The following BRD3OS variants were observed in gnomAD, a reference collection of about 807,000 sequenced individuals.
BRD3OS encodes the protein BRD3 opposite strand, also known as uncharacterized protein BRD3OS.
At position 134,031,455 on chromosome 9, in the gene BRD3OS, G is replaced by T. The variant is rs1843511448; in HGVS notation, c.*4453G>T. 4.9e-6 allele frequency: 1 copy of T among 203,532 alleles called. No individual in the cohort carries two copies. The highest frequency in any genetic ancestry group is 1.0e-5 in the Non-Finnish European group (1 of 99,392). The allele number at this position is 203,532 out of a possible 1,614,324, so 12.6% of individuals were successfully genotyped here. Reference sequence around the variant, plus strand: ...GTCGTGTGTGAATTCCTTAAATTCGGTTTAAATAGTCCATTAAAGATCTGT... The same window carrying T: ...GTCGTGTGTGAATTCCTTAAATTCGTTTTAAATAGTCCATTAAAGATCTGT... On this transcript the variant is annotated 3_prime_UTR_variant, in exon 3 of 3. Coordinates refer to ENST00000603928, the MANE Select transcript of BRD3OS (RefSeq NM_001355256.2).
In BRD3OS at chr9:134,028,349, A is replaced by G. The variant is rs1468048570; in HGVS notation, c.*1347A>G. On this transcript the variant is annotated 3_prime_UTR_variant, in exon 3 of 3. Transcript: ENST00000603928. ...CTGCACCATGCCTCTTGTATCCGCC[A>G]TTTTCTTTCTTGCTCAACTGTACAG... 1 of 152,068 alleles carries G rather than the reference A, an allele frequency of 6.6e-6. No homozygotes were observed. Among genetic ancestry groups the G allele is most frequent in the African/African-American group, 2.4e-5 (1 of 41,394 alleles). 9.4% of individuals were successfully genotyped at this position (152,068 alleles called of 1,614,324 possible).
In BRD3OS at chr9:134,027,192, A is replaced by T. The variant is rs1182659990; in HGVS notation, c.*190A>T. 2.7e-6 allele frequency: 1 copy of T among 371,592 alleles called. No homozygotes were observed. Among genetic ancestry groups the T allele is most frequent in the East Asian group, 3.8e-5 (1 of 26,054 alleles). 23.0% of individuals were successfully genotyped at this position (371,592 alleles called of 1,614,324 possible). Reference sequence around the variant, plus strand: ...AACCCCTCAGCACAGCCGCGGTGTGACTGGTGCACAGGACACTTCCCCTCT... The same window carrying T: ...AACCCCTCAGCACAGCCGCGGTGTGTCTGGTGCACAGGACACTTCCCCTCT... On this transcript the variant is annotated 3_prime_UTR_variant, in exon 3 of 3. Coordinates refer to ENST00000603928, the MANE Select transcript of BRD3OS (RefSeq NM_001355256.2).
Position 134,030,781 on chromosome 9 carries a change from C to A in BRD3OS, c.*3779C>A, listed in dbSNP as rs1843500213. ...GTAAGCAAGATGACACTGCCCAACA[C>A]AAAGAGGGGTCTGGAGTTCAGTTCA... On this transcript the variant is annotated 3_prime_UTR_variant, in exon 3 of 3. Transcript: ENST00000603928. 4.3e-6 allele frequency: 1 copy of A among 232,296 alleles called. No homozygotes were observed. The highest frequency in any genetic ancestry group is 8.5e-6 in the Non-Finnish European group (1 of 117,470). The allele number at this position is 232,296 out of a possible 1,614,324, so 14.4% of individuals were successfully genotyped here.
chr9:134,025,751 G>C (rs749574476), intron 1 of BRD3OS, 94 bp from the exon 2 acceptor site: 2 of 152,296 alleles, frequency 1.3e-5, no homozygotes, highest in Admixed American at 6.5e-5. Flanking sequence ...AGGAGGGGAG[G>C]TCCCTGACGC....
In BRD3OS at chr9:134,029,813, G is replaced by A. The variant is rs1843483836; in HGVS notation, c.*2811G>A. On this transcript the variant is annotated 3_prime_UTR_variant, in exon 3 of 3. Coordinates refer to ENST00000603928, the MANE Select transcript of BRD3OS (RefSeq NM_001355256.2). ...GACTAGAAGAGCACAGAACCTGGCT[G>A]TCTCGAAGAGGGCAGCTTGTTCCAG... The A allele has an allele frequency of 6.6e-6, 1 of 152,290 alleles. No homozygotes were observed. The highest frequency in any genetic ancestry group is 2.1e-4 in the South Asian group (1 of 4,838). The allele number at this position is 152,290 out of a possible 1,614,324, so 9.4% of individuals were successfully genotyped here.
rs968777491 is a variant in BRD3OS at position 134,029,053 on chromosome 9, C to G, written c.*2051C>G. The G allele has an allele frequency of 6.6e-6, 1 of 152,226 alleles. No individual in the cohort carries two copies. The highest frequency in any genetic ancestry group is 2.4e-5 in the African/African-American group (1 of 41,454). 9.4% of individuals were successfully genotyped at this position (152,226 alleles called of 1,614,324 possible). On this transcript the variant is annotated 3_prime_UTR_variant, in exon 3 of 3. Transcript: ENST00000603928. ...AGTGAGCATGGGGCTGGAGGACCTGCCCCGCCGGCTGACACTCCCACAGCA... is the reference window on the plus strand; with the variant it reads ...AGTGAGCATGGGGCTGGAGGACCTGGCCCGCCGGCTGACACTCCCACAGCA...
rs1246254822 is a variant in BRD3OS at position 134,028,404 on chromosome 9, T to C, written c.*1402T>C. 1.3e-5 allele frequency: 2 copies of C among 152,262 alleles called. No individual in the cohort carries two copies. Among genetic ancestry groups the C allele is most frequent in the African/African-American group, 2.4e-5 (1 of 41,460 alleles). 9.4% of individuals were successfully genotyped at this position (152,262 alleles called of 1,614,324 possible). On this transcript the variant is annotated 3_prime_UTR_variant, in exon 3 of 3. Transcript: ENST00000603928. ...GGCATTCACTTAATGCTTTTCTTTTTTTTTAAGAGAGTCTCACTCTGTTGC... is the reference window on the plus strand; with the variant it reads ...GGCATTCACTTAATGCTTTTCTTTTCTTTTAAGAGAGTCTCACTCTGTTGC...
chr9:134,027,752 A>G lies in BRD3OS; in HGVS notation c.*750A>G, dbSNP rs1843448051. On this transcript the variant is annotated 3_prime_UTR_variant, in exon 3 of 3. Coordinates refer to ENST00000603928, the MANE Select transcript of BRD3OS (RefSeq NM_001355256.2). The stretch of plus-strand genomic sequence containing the variant: ...TTACCAAAATGATCATCATCTGTGA[A>G]GCATCATGGTAGCTTCCAAGCATTT... 1 of 152,228 alleles carries G rather than the reference A, an allele frequency of 6.6e-6. No individual in the cohort carries two copies. The highest frequency in any genetic ancestry group is 6.5e-5 in the Admixed American group (1 of 15,280). 9.4% of individuals were successfully genotyped at this position (152,228 alleles called of 1,614,324 possible).
At position 134,030,049 on chromosome 9, in the gene BRD3OS, C is replaced by T. The variant is rs879322383; in HGVS notation, c.*3047C>T. 2 of 152,254 alleles carry T rather than the reference C, an allele frequency of 1.3e-5. No individual in the cohort carries two copies. Among genetic ancestry groups the T allele is most frequent in the African/African-American group, 2.4e-5 (1 of 41,454 alleles). 9.4% of individuals were successfully genotyped at this position (152,254 alleles called of 1,614,324 possible). On this transcript the variant is annotated 3_prime_UTR_variant, in exon 3 of 3. Coordinates refer to ENST00000603928, the MANE Select transcript of BRD3OS (RefSeq NM_001355256.2). ...CTGGCCTCAGGCCATCCTCCTGCCT[C>T]AGCCTCCCAAAGTGCTGTGATCACA...
Position 134,026,567 on chromosome 9 carries a change from C to T in BRD3OS, c.-181C>T. ...TCAGAATGGTGAGGCCGCCTCATTT[C>T]CTCACCACACAACCCTCCTGAGGAC... On this transcript the variant is annotated 5_prime_UTR_variant, in exon 3 of 3. Transcript: ENST00000603928. This position sits in a 1 kb window ranked among gnomAD's most constrained non-coding sequence, Gnocchi z 4.4. The T allele has an allele frequency of 5.2e-6, 2 of 386,366 alleles. No individual in the cohort carries two copies. The highest frequency in any genetic ancestry group is 9.1e-6 in the Non-Finnish European group (2 of 218,822). 23.9% of individuals were successfully genotyped at this position (386,366 alleles called of 1,614,324 possible).
In BRD3OS at chr9:134,027,619, C is replaced by G. The variant is rs1246323321; in HGVS notation, c.*617C>G. On this transcript the variant is annotated 3_prime_UTR_variant, in exon 3 of 3. Transcript: ENST00000603928. The stretch of plus-strand genomic sequence containing the variant: ...CTACTGTATATAGAGACAGGGTTTC[C>G]CTATGTTGCCCAGGCTGGTCTGGTC... The G allele has an allele frequency of 6.6e-6, 1 of 152,116 alleles. No individual in the cohort carries two copies. The highest frequency in any genetic ancestry group is 2.4e-5 in the African/African-American group (1 of 41,378). The allele number at this position is 152,116 out of a possible 1,614,324, so 9.4% of individuals were successfully genotyped here. A position where few individuals can be genotyped will look rare whatever the true frequency, so the allele number is the denominator to read the frequency against.
Position 134,026,625 on chromosome 9 carries a change from T to C in BRD3OS, c.-123T>C. ...GCAAATGGGCGGAATTCCTAATTTC[T>C]ACCATTCAGTTAAACGAGGGATCCT... On this transcript the variant is annotated 5_prime_UTR_variant, in exon 3 of 3. Transcript: ENST00000603928. This position sits in a 1 kb window ranked among gnomAD's most constrained non-coding sequence, Gnocchi z 4.4. 2.5e-6 allele frequency: 1 copy of C among 396,812 alleles called. No individual in the cohort carries two copies. Among genetic ancestry groups the C allele is most frequent in the Non-Finnish European group, 4.4e-6 (1 of 225,490 alleles). The allele number at this position is 396,812 out of a possible 1,614,324, so 24.6% of individuals were successfully genotyped here.
In BRD3OS at chr9:134,028,191, A is replaced by C. The variant is rs1843455911; in HGVS notation, c.*1189A>C. 1 of 152,246 alleles carries C rather than the reference A, an allele frequency of 6.6e-6. No homozygotes were observed. Among genetic ancestry groups the C allele is most frequent in the African/African-American group, 2.4e-5 (1 of 41,458 alleles). 9.4% of individuals were successfully genotyped at this position (152,246 alleles called of 1,614,324 possible). A position where few individuals can be genotyped will look rare whatever the true frequency, so the allele number is the denominator to read the frequency against. On this transcript the variant is annotated 3_prime_UTR_variant, in exon 3 of 3. Coordinates refer to ENST00000603928, the MANE Select transcript of BRD3OS (RefSeq NM_001355256.2). ...TAGCAGTAATATGTAATTGATTGCT[A>C]AAGACTGCAATACACAAAGGCATAA...
chr9:134,026,876 G>A lies in BRD3OS; in HGVS notation c.129G>A (p.Thr43=), dbSNP rs1843435560. 1.3e-5 allele frequency: 5 copies of A among 398,986 alleles called. No individual in the cohort carries two copies. The East Asian group carries it at 1.4e-4, about 11-fold the overall frequency. 24.7% of individuals were successfully genotyped at this position (398,986 alleles called of 1,614,324 possible). The change falls in exon 3 of 3, where the codon ACG becomes ACA. Residue 43 remains threonine (T), a synonymous_variant. Transcript: ENST00000603928. This position sits in a 1 kb window ranked among gnomAD's most constrained non-coding sequence, Gnocchi z 4.4. ...AGTTGGAGTCGGTGCCACCTGGGACGTACCTGAGCAGGAGCCGAAGCATGT... is the reference window on the plus strand; with the variant it reads ...AGTTGGAGTCGGTGCCACCTGGGACATACCTGAGCAGGAGCCGAAGCATGT... ...QQKLESVPPG[T]YLSRSRSMWY...
At position 134,030,833 on chromosome 9, in the gene BRD3OS, C is replaced by CA. The variant is rs3832641; in HGVS notation, c.*3832dup. On this transcript the variant is annotated 3_prime_UTR_variant, in exon 3 of 3. Coordinates refer to ENST00000603928, the MANE Select transcript of BRD3OS (RefSeq NM_001355256.2). ...GCCCGAAGCCTGCCCCCTCGGCCTC[C>CA]AGGGGTCATTCAGAGTGTTCTCAAA... 2,615 of 232,700 alleles carry CA rather than the reference C, an allele frequency of 0.011. 195 individuals are homozygous for CA. The East Asian group carries it at 0.15, about 13-fold the overall frequency. 14.4% of individuals were successfully genotyped at this position (232,700 alleles called of 1,614,324 possible). A position where few individuals can be genotyped will look rare whatever the true frequency, so the allele number is the denominator to read the frequency against.
At position 134,030,682 on chromosome 9, in the gene BRD3OS, G is replaced by C. The variant is rs1588266211; in HGVS notation, c.*3680G>C. On this transcript the variant is annotated 3_prime_UTR_variant, in exon 3 of 3. Coordinates refer to ENST00000603928, the MANE Select transcript of BRD3OS (RefSeq NM_001355256.2). ...ATGTGGGTGTTACTCTTTCCCAAAA[G>C]ACTGTCAGAGGCGTGAGTGCTGCAA... is the stretch of plus-strand genomic sequence containing the variant. 4 of 230,248 alleles carry C rather than the reference G, an allele frequency of 1.7e-5. No homozygotes were observed. In the East Asian group the frequency reaches 2.5e-4, roughly 14 times the overall value. 14.3% of individuals were successfully genotyped at this position (230,248 alleles called of 1,614,324 possible). A position where few individuals can be genotyped will look rare whatever the true frequency, so the allele number is the denominator to read the frequency against.
At position 134,026,764 on chromosome 9, in the gene BRD3OS, C is replaced by G. The variant is rs971655984; in HGVS notation, c.17C>G (p.Pro6Arg). The G allele has an allele frequency of 1.0e-4, 41 of 398,702 alleles. 3 individuals carry two copies. In the Admixed American group the frequency reaches 1.2e-3, roughly 12 times the overall value. The allele number at this position is 398,702 out of a possible 1,614,324, so 24.7% of individuals were successfully genotyped here. The change falls in exon 3 of 3, where the codon CCC (proline) becomes CGC (arginine). Residue 6 changes from proline (P) to arginine (R), a missense_variant. Transcript: ENST00000603928. This position sits in a 1 kb window ranked among gnomAD's most constrained non-coding sequence, Gnocchi z 4.4. MSGRV[P>R]LAEKALSEGY... ...GGGGAGGGGATGAGTGGCCGTGTCC[C>G]CCTGGCAGAGAAGGCCTTGTCTGAA...
Position 134,031,221 on chromosome 9 carries a change from A to G in BRD3OS, c.*4219A>G, listed in dbSNP as rs1351091042. 2 of 217,872 alleles carry G rather than the reference A, an allele frequency of 9.2e-6. No homozygotes were observed. The highest frequency in any genetic ancestry group is 9.2e-6 in the Non-Finnish European group (1 of 108,392). 13.5% of individuals were successfully genotyped at this position (217,872 alleles called of 1,614,324 possible). On this transcript the variant is annotated 3_prime_UTR_variant, in exon 3 of 3. Transcript: ENST00000603928. ...CGTCACAGAGAACCAGCCGAGAAGGAAAGGCCCCACGATGCTCCTGCTGCG... is the reference window on the plus strand; with the variant it reads ...CGTCACAGAGAACCAGCCGAGAAGGGAAGGCCCCACGATGCTCCTGCTGCG...
In BRD3OS at chr9:134,026,894, A is replaced by C; in HGVS notation, c.147A>C (p.Arg49=). The change falls in exon 3 of 3, where the codon CGA becomes CGC. Residue 49 remains arginine (R), a synonymous_variant. Coordinates refer to ENST00000603928, the MANE Select transcript of BRD3OS (RefSeq NM_001355256.2). The surrounding 1 kb of genome is among the most constrained non-coding windows in gnomAD (Gnocchi z 4.4). The part of the protein sequence containing the change: ...VPPGTYLSRS[R]SMWYSQYGNE... ...CTGGGACGTACCTGAGCAGGAGCCG[A>C]AGCATGTGGTACTCACAGTATGGAA... 2.5e-6 allele frequency: 1 copy of C among 398,992 alleles called. No homozygotes were observed. The highest frequency in any genetic ancestry group is 4.4e-6 in the Non-Finnish European group (1 of 226,076). The allele number at this position is 398,992 out of a possible 1,614,324, so 24.7% of individuals were successfully genotyped here. A position where few individuals can be genotyped will look rare whatever the true frequency, so the allele number is the denominator to read the frequency against.
Sources: gnomAD v4.1 joint callset for allele counts on GRCh38, gnomAD v4.1.1 for gene constraint, Gnocchi (gnomAD v3.1) non-coding constraint, MANE v1.5 for transcripts, NCBI Gene and HGNC (gene_info 2026-07-23, HGNC 2026-07-21) for gene names.